SMC1A: variants seen among roughly 807,000 people sequenced by gnomAD.
SMC1A encodes structural maintenance of chromosomes 1A, also known as structural maintenance of chromosomes protein 1A.
A neutral mutation model predicts 94.5 loss-of-function variants in SMC1A; 4 were observed. The observed-to-expected ratio is 0.04, with a 90% CI of 0.02 to 0.10. The LOEUF is 0.10. SMC1A is among the 10% of genes least tolerant of loss of function. The pLI, the probability that SMC1A is intolerant of heterozygous loss-of-function variation, is 1.00. For synonymous variants in SMC1A, 345 were observed against 347.7 expected (o/e 0.99, Z 0.09); for missense variants, 304 against 989.0 (o/e 0.31, Z 9.29).
chrX:53,383,328 CTGAG>C lies in SMC1A; in HGVS notation c.2974-79_2974-76del. On this transcript the variant is annotated intron_variant, in intron 19 of 24. Transcript: ENST00000322213. ...AAGGCCCCCACCGAAAGATGACTGA[CTGAG>C]TGTGGCCTGGGCGCCTGCTCCTATA... is the stretch of plus-strand genomic sequence containing the variant. 7.6e-6 allele frequency: 8 copies of C among 1,051,739 alleles called. No individual in the cohort carries two copies. In the South Asian group the frequency reaches 1.2e-4, roughly 16 times the overall value. 86.7% of individuals were successfully genotyped at this position (1,051,739 alleles called of 1,213,427 possible).
At chrX:53,416,186 C>T (rs1481311551) in intron 1 of SMC1A, among the ~76,000 whole-genome samples, 2 of 105,125 alleles carry the variant, frequency 1.9e-5, no homozygotes, top group African/African-American at 3.5e-5. Flanking sequence ...GCCTGTAATC[C>T]CAGCTACTTG....
At chrX:53,403,171 C>T (rs1230859421) in intron 15 of SMC1A, among the ~76,000 whole-genome samples, 1 of 30,044 alleles carries the variant, frequency 3.3e-5, no homozygotes, top group African/African-American at 1.6e-4. Context: ...GATCCTGTGT[C>T]AAAAAAAAAA....
intron 5 of SMC1A, 79 bp downstream of exon 5, chrX:53,412,821 C>T: frequency 1.7e-6 from 2 of 1,203,079 alleles, no homozygotes; most frequent in Non-Finnish European, 2.2e-6. Context: ...AGGTACTGAA[C>T]TCCGGGCTCA....
chrX:53,402,015 G>A (rs2075672280), intron 15 of SMC1A, among the ~76,000 whole-genome samples: 1 of 108,519 alleles, frequency 9.2e-6, no homozygotes, highest in Non-Finnish European at 1.9e-5. Flanking sequence ...TTGTTGATTT[G>A]CAGTTCCTTG....
intron 19 of SMC1A, among the ~76,000 whole-genome samples, chrX:53,386,373 G>GA (rs1213585319): frequency 1.8e-5 from 2 of 110,748 alleles, no homozygotes; most frequent in African/African-American, 3.3e-5. Flanking sequence ...GTTTCAAAAA[G>GA]AAAAAAAACT....
In SMC1A at chrX:53,403,806, T is replaced by A; in HGVS notation, c.2284A>T (p.Met762Leu). ...TTCATCTTCTCCTTCAAGTCTTTCA[T>A]TTCCCTCTCTCGGCTCTGAATGATC... ...KRIIQSRERE[M>L]KDLKEKMNQV... Residue 762 changes from methionine (M) to leucine (L), a missense_variant, in exon 14 of 25, where the codon ATG becomes TTG. Around this residue, in one of 11 missense-constraint regions of SMC1A, gnomAD observed 57 missense variants for 278.1 expected, o/e 0.20. Coordinates refer to ENST00000322213, the MANE Select transcript of SMC1A (RefSeq NM_006306.4). 8.3e-7 allele frequency: 1 copy of A among 1,209,713 alleles called. No homozygotes were observed. The highest frequency in any genetic ancestry group is 1.1e-6 in the Non-Finnish European group (1 of 893,881).
Position 53,396,496 on chromosome X carries a change from C to T in SMC1A, c.2684G>A (p.Arg895His), listed in dbSNP as rs2075651815. 1 of 1,211,398 alleles carries T rather than the reference C, an allele frequency of 8.3e-7. No homozygotes were observed. The highest frequency in any genetic ancestry group is 1.1e-6 in the Non-Finnish European group (1 of 895,477). Reference protein sequence around the residue: ...NDKNHEMEEIRKKLGGANKEM... With the variant: ...NDKNHEMEEIHKKLGGANKEM... The stretch of plus-strand genomic sequence containing the variant: ...CTTGTTGGCGCCCCCGAGTTTCTTA[C>T]GAATCTCCTCCATCTCATGATTCTT... Residue 895 changes from arginine (R) to histidine (H), a missense_variant, in exon 17 of 25, where the codon CGT (arginine) becomes CAT (histidine). By Grantham distance (29) the Arg-to-His change is conservative (BLOSUM62 0). Transcript: ENST00000322213.
intron 19 of SMC1A, among the ~76,000 whole-genome samples, chrX:53,390,709 G>C (rs2075624589): frequency 9.2e-6 from 1 of 108,756 alleles, no homozygotes; most frequent in Non-Finnish European, 1.9e-5. Flanking sequence ...AAGAAAAATG[G>C]GGGCCAGGCG....
chrX:53,416,968 T>C (rs2075734521), intron 1 of SMC1A, among the ~76,000 whole-genome samples: 3 of 108,957 alleles, frequency 2.8e-5, no homozygotes, highest in African/African-American at 1.0e-4. Flanking sequence ...TTTGTTATAA[T>C]AAAGACAAGG....
intron 1 of SMC1A, 133 bp downstream of exon 1, chrX:53,422,359 C>G: frequency 1.9e-6 from 1 of 513,569 alleles, no homozygotes; most frequent in East Asian, 3.5e-5. Flanking sequence ...CGAGCAGAAC[C>G]CCCTCTGGAC....
At chrX:53,381,146 G>GT in intron 22 of SMC1A, 59 bp from the exon 23 acceptor site, 3 of 621,932 alleles carry the variant, frequency 4.8e-6, no homozygotes, top group Non-Finnish European at 8.2e-6. Flanking sequence ...GCAAGGCGGG[G>GT]TGGGACAGCC....
In SMC1A at chrX:53,411,881, C is replaced by T; in HGVS notation, c.1134G>A (p.Leu378=). 8.3e-7 allele frequency: 1 copy of T among 1,211,569 alleles called. No individual in the cohort carries two copies. The change falls in exon 7 of 25, where the codon TTG becomes TTA. Residue 378 remains leucine, a synonymous_variant. Coordinates refer to ENST00000322213, the MANE Select transcript of SMC1A (RefSeq NM_006306.4). ...EENQVKKYHR[L]KEEASKRAAT... ...CTGCTCTCTTGCTGGCTTCTTCTTT[C>T]AACCGGTGGTATTTCTTCACCTGTG...
At position 53,378,888 on chromosome X, in the gene SMC1A, C is replaced by T. The variant is rs1467015461; in HGVS notation, c.*1215G>A. The T allele has an allele frequency of 8.9e-6, 1 of 111,847 alleles. No homozygotes were observed. The highest frequency in any genetic ancestry group is 1.9e-5 in the Non-Finnish European group (1 of 53,160). 9.2% of individuals were successfully genotyped at this position (111,847 alleles called of 1,213,427 possible). A position where few individuals can be genotyped will look rare whatever the true frequency, so the allele number is the denominator to read the frequency against. The stretch of plus-strand genomic sequence containing the variant: ...TATTTCCTCACAACCCAGATTGGGG[C>T]TCAGGCACCCGGTTACCAGACATGA... On this transcript the variant is annotated 3_prime_UTR_variant, in exon 25 of 25. Coordinates refer to ENST00000322213, the MANE Select transcript of SMC1A (RefSeq NM_006306.4).
At chrX:53,395,547 T>C (rs1448455873) in intron 18 of SMC1A, among the ~76,000 whole-genome samples, 1 of 111,321 alleles carries the variant, frequency 9.0e-6, no homozygotes, top group African/African-American at 3.3e-5. Context: ...ATTCAAAATA[T>C]TTTACTGAAT....
intron 15 of SMC1A, among the ~76,000 whole-genome samples, chrX:53,403,148 G>A (rs1162919859): frequency 1.2e-5 from 1 of 81,066 alleles, no homozygotes; most frequent in African/African-American, 5.1e-5. Context: ...CTCCAGTCTC[G>A]GAAACAGAGT....
At chrX:53,421,193 T>C (rs1415298917) in intron 1 of SMC1A, among the ~76,000 whole-genome samples, 1 of 111,954 alleles carries the variant, frequency 8.9e-6, no homozygotes, top group Non-Finnish European at 1.9e-5. Context: ...CCAGTGGTTC[T>C]CAAACAAGTT....
At chrX:53,400,881 T>C (rs1353492085) in intron 15 of SMC1A, among the ~76,000 whole-genome samples, 1 of 111,634 alleles carries the variant, frequency 9.0e-6, no homozygotes, top group African/African-American at 3.3e-5. Flanking sequence ...TTTTGAGCTA[T>C]GCAATTTTAT....
intron 19 of SMC1A, among the ~76,000 whole-genome samples, chrX:53,385,334 G>A (rs1275541685): frequency 9.8e-6 from 1 of 101,687 alleles, no homozygotes; most frequent in East Asian, 3.1e-4. Flanking sequence ...GCAGTGGCGC[G>A]CTCTAGGCTC....
chrX:53,417,840 A>G (rs1017538268), intron 1 of SMC1A, among the ~76,000 whole-genome samples: 1 of 112,187 alleles, frequency 8.9e-6, no homozygotes, highest in Non-Finnish European at 1.9e-5. Context: ...ATTTACTTCC[A>G]AATGACTAAG....
Sources: gnomAD v4.1 joint callset for allele counts (sites outside exome capture counted in the v4.1 genomes callset) on GRCh38, gnomAD v4.1.1 for gene constraint, gnomAD v4.1.1 regional missense constraint, MANE v1.5 for transcripts, NCBI Gene and HGNC (gene_info 2026-07-23, HGNC 2026-07-21) for gene names.